VEPH1: variants seen among roughly 807,000 people sequenced by gnomAD.
VEPH1 encodes ventricular zone-expressed PH domain-containing protein homolog 1.
VEPH1 carries 80 observed loss-of-function variants against 85.2 expected under a neutral mutation model. The observed-to-expected ratio is 0.94, with a 90% confidence interval of 0.78 to 1.13. The LOEUF (loss-of-function observed/expected upper bound fraction) is 1.13. VEPH1 is among the 50% of genes most tolerant of loss of function. The pLI, the probability that VEPH1 is intolerant of heterozygous loss-of-function variation, is 0.00. For missense variants in VEPH1, 955 were observed against 980.5 expected (o/e 0.97, Z 0.35); for synonymous variants, 297 against 348.0 (o/e 0.85, Z 1.63).
At chr3:157,292,175 T>G (rs1717554940) in intron 11 of VEPH1, among the ~76,000 whole-genome samples, 1 of 152,112 alleles carries the variant, frequency 6.6e-6, no homozygotes, top group Non-Finnish European at 1.5e-5. Flanking sequence ...AAACAATCTT[T>G]CCACCTCAGC....
intron 11 of VEPH1, among the ~76,000 whole-genome samples, chr3:157,301,033 G>T (rs1452516783): frequency 6.6e-6 from 1 of 152,228 alleles, no homozygotes; most frequent in Admixed American, 6.5e-5. Context: ...AACTATCGTG[G>T]CTCTGGTGGA....
At chr3:157,329,004 C>T (rs1722222113) in intron 9 of VEPH1, among the ~76,000 whole-genome samples, 1 of 152,052 alleles carries the variant, frequency 6.6e-6, no homozygotes, top group Non-Finnish European at 1.5e-5. Flanking sequence ...CTCTAGTGCC[C>T]GTTATACTCT....
rs1454692841 is a variant in VEPH1, at chr3:157,428,302, A to C, written c.696+20T>G. 1.9e-6 allele frequency: 3 copies of C among 1,613,484 alleles called. No homozygotes were observed. In the Admixed American group the frequency reaches 5.0e-5, roughly 27 times the overall value. ...CATGCCTGGTTGTGTGCACCATGAC[A>C]TATACAATGTACTTTTTACCTCGAG... is the stretch of plus-strand genomic sequence containing the variant. On this transcript the variant is annotated intron_variant, in intron 5 of 13. Coordinates refer to ENST00000362010, the MANE Select transcript of VEPH1 (RefSeq NM_001167912.2).
chr3:157,428,290 G>A, intron 5 of VEPH1, 32 bp downstream of exon 5: 3 of 1,608,814 alleles, frequency 1.9e-6, no homozygotes, highest in Non-Finnish European at 2.6e-6. Context: ...GCCTGGTTGT[G>A]TGCACCATGA....
intron 4 of VEPH1, chr3:157,442,267 G>A (rs1734182667): frequency 8.9e-7 from 1 of 1,120,156 alleles, no homozygotes; most frequent in South Asian, 1.7e-5. Flanking sequence ...GCTTTCAATT[G>A]TAATAATTAA....
chr3:157,414,929 G>A (rs1207879257), intron 5 of VEPH1, among the ~76,000 whole-genome samples: 2 of 151,962 alleles, frequency 1.3e-5, no homozygotes, highest in Non-Finnish European at 2.9e-5. Context: ...TTTTGAGTAG[G>A]GTAGACTTTA....
At chr3:157,488,686 C>T (rs1199643772) in intron 2 of VEPH1, among the ~76,000 whole-genome samples, 1 of 151,812 alleles carries the variant, frequency 6.6e-6, no homozygotes, top group Admixed American at 6.6e-5. Flanking sequence ...AATGGCCAGC[C>T]CAGACTTCTC....
At chr3:157,394,243 G>A (rs533833683) in intron 6 of VEPH1, among the ~76,000 whole-genome samples, 1 of 152,274 alleles carries the variant, frequency 6.6e-6, no homozygotes, top group South Asian at 2.1e-4. Flanking sequence ...TTTTACCTTC[G>A]AGGAATGAAA....
intron 5 of VEPH1, among the ~76,000 whole-genome samples, chr3:157,422,420 A>T (rs1451629355): frequency 1.3e-5 from 2 of 152,212 alleles, no homozygotes; most frequent in Admixed American, 6.5e-5. Context: ...GATGTCTGTG[A>T]TACACCTATA....
chr3:157,472,259 T>G (rs2109483221), intron 2 of VEPH1, among the ~76,000 whole-genome samples: 1 of 152,350 alleles, frequency 6.6e-6, no homozygotes, highest in South Asian at 2.1e-4. Flanking sequence ...CACTCACCAT[T>G]TATTACTTTA....
intron 6 of VEPH1, among the ~76,000 whole-genome samples, chr3:157,392,580 A>C (rs1477678805): frequency 1.3e-5 from 2 of 152,252 alleles, no homozygotes; most frequent in East Asian, 3.9e-4. Context: ...GTCTTGGGCC[A>C]CACACAAACT....
chr3:157,433,910 C>A (rs186348604), intron 4 of VEPH1, among the ~76,000 whole-genome samples: 1 of 152,158 alleles, frequency 6.6e-6, no homozygotes, highest in East Asian at 1.9e-4. Flanking sequence ...TTTCTGTATC[C>A]TTTGGCAGGC....
intron 5 of VEPH1, among the ~76,000 whole-genome samples, chr3:157,423,437 C>T (rs1218750276): frequency 6.6e-6 from 1 of 152,176 alleles, no homozygotes; most frequent in Non-Finnish European, 1.5e-5. Context: ...ACCTACTGAA[C>T]CAAAATCCCT....
chr3:157,369,485 T>G (rs1025746523), intron 7 of VEPH1, among the ~76,000 whole-genome samples: 5 of 152,186 alleles, frequency 3.3e-5, no homozygotes, highest in Non-Finnish European at 7.3e-5. Context: ...TTTTATGATT[T>G]AGATTTGTAG....
At chr3:157,325,047 G>A (rs1721747298) in intron 9 of VEPH1, among the ~76,000 whole-genome samples, 2 of 152,108 alleles carry the variant, frequency 1.3e-5, no homozygotes, top group Admixed American at 1.3e-4. Context: ...TGTGTGAGAT[G>A]GTATCTAACT....
chr3:157,316,952 T>A, intron 10 of VEPH1, 110 bp downstream of exon 10: 4 of 1,102,064 alleles, frequency 3.6e-6, no homozygotes, highest in Non-Finnish European at 4.9e-6. Context: ...ATGTATGTAT[T>A]GCTGTTATCT....
Position 157,286,575 on chromosome 3 carries a change from T to C in VEPH1, c.2110A>G (p.Asn704Asp). 6.2e-7 allele frequency: 1 copy of C among 1,614,068 alleles called. No homozygotes were observed. The highest frequency in any genetic ancestry group is 8.5e-7 in the Non-Finnish European group (1 of 1,179,930). Residue 704 changes from asparagine to aspartate, a missense_variant, in exon 12 of 14, where the codon AAT becomes GAT. Asn to Asp is a conservative substitution (Grantham distance 23). Transcript: ENST00000362010. ...AGAWQCFMCN[N>D]PEKATVVNQD... ...CTCTCACCAGTTGCTTTCTCAGGATTGTTGCACATGAAGCATTGCCATGCT... is the reference window on the plus strand; with the variant it reads ...CTCTCACCAGTTGCTTTCTCAGGATCGTTGCACATGAAGCATTGCCATGCT...
chr3:157,432,350 T>C (rs967812020), intron 4 of VEPH1, among the ~76,000 whole-genome samples: 1 of 152,138 alleles, frequency 6.6e-6, no homozygotes, highest in African/African-American at 2.4e-5. Context: ...TTTTACTTCA[T>C]GGTTTAGGTT....
intron 9 of VEPH1, among the ~76,000 whole-genome samples, chr3:157,352,618 T>C (rs564846261): frequency 6.6e-6 from 1 of 152,340 alleles, no homozygotes; most frequent in East Asian, 1.9e-4. Flanking sequence ...AGGAAATTAA[T>C]ATGAAAGAAA....
Sources: allele counts gnomAD v4.1 joint callset (sites outside exome capture counted in the v4.1 genomes callset), GRCh38; gene constraint gnomAD v4.1.1; transcripts MANE v1.5; gene names NCBI Gene and HGNC (gene_info 2026-07-23, HGNC 2026-07-21).